Variants in CWC25 observed in about 807,000 individuals in gnomAD.
The protein encoded by CWC25 is pre-mRNA-splicing factor CWC25 homolog.
A neutral mutation model predicts 54.6 loss-of-function variants in CWC25; 31 were observed. The ratio of observed to expected loss-of-function variants is 0.57; its 90% CI spans 0.43 to 0.77. CWC25 has a LOEUF of 0.77. CWC25 is among the 30% of genes least tolerant of loss of function. CWC25 has a pLI of 0.00. For synonymous variants in CWC25, 151 were observed against 187.0 expected (o/e 0.81, Z 1.57); for missense variants, 453 against 529.3 (o/e 0.86, Z 1.41).
chr17:38,821,895 G>GT (rs1212965589), intron 1 of CWC25, among the ~76,000 whole-genome samples: 18 of 151,952 alleles, frequency 1.2e-4, no homozygotes, highest in African/African-American at 4.1e-4. Flanking sequence ...TCAGCCTCCT[G>GT]AGTAGCTGGA....
chr17:38,807,716 A>G (rs1204681937), intron 6 of CWC25, among the ~76,000 whole-genome samples: 4 of 132,288 alleles, frequency 3.0e-5, no homozygotes, highest in Non-Finnish European at 6.5e-5. Flanking sequence ...GGATCACACC[A>G]CTGCACTCCA....
intron 2 of CWC25, among the ~76,000 whole-genome samples, chr17:38,816,957 C>T (rs1245489173): frequency 6.6e-6 from 1 of 151,060 alleles, no homozygotes; most frequent in Admixed American, 6.6e-5. Flanking sequence ...GCTGGGATTA[C>T]AGGCGTGAGC....
chr17:38,812,751 A>G, intron 4 of CWC25, 44 bp downstream of exon 4: 1 of 1,131,142 alleles, frequency 8.8e-7, no homozygotes, highest in Non-Finnish European at 1.3e-6. Context: ...CTCACGTTAT[A>G]TGGCTAAAAG....
intron 4 of CWC25, among the ~76,000 whole-genome samples, chr17:38,811,536 G>A (rs1283667431): frequency 3.3e-5 from 4 of 123,000 alleles, no homozygotes; most frequent in African/African-American, 1.1e-4. Context: ...GCGAGACTCC[G>A]TCTCAAAAAA....
At position 38,814,967 on chromosome 17, in the gene CWC25, A is replaced by C; in HGVS notation, c.322T>G (p.Ser108Ala). 12 of 1,613,842 alleles carry C rather than the reference A, an allele frequency of 7.4e-6. No homozygotes were observed. The highest frequency in any genetic ancestry group is 1.0e-5 in the Non-Finnish European group (12 of 1,179,884). The change falls in exon 3 of 10, where the codon TCT becomes GCT. Residue 108 changes from serine (S) to alanine (A), a missense_variant. This residue lies in a region of CWC25 where 444 missense variants were observed against 499.2 expected (regional missense o/e 0.89). Transcript: ENST00000614790. Reference sequence around the variant, plus strand: ...CCTGGGAGAAGTCCTGTTTCAGAAGAGCAGCCTGCCTCCTTCTCCTCCATC... The same window carrying C: ...CCTGGGAGAAGTCCTGTTTCAGAAGCGCAGCCTGCCTCCTTCTCCTCCATC... ...EKMEEKEAGC[S>A]SETGLLPGSI...
At chr17:38,823,147 C>CT (rs910246462) in intron 1 of CWC25, among the ~76,000 whole-genome samples, 6 of 144,218 alleles carry the variant, frequency 4.2e-5, no homozygotes, top group Admixed American at 7.2e-5. Context: ...CTGACTCCAA[C>CT]TTTTTTTTTA....
At chr17:38,815,371 C>T (rs537547874) in intron 2 of CWC25, among the ~76,000 whole-genome samples, 2 of 152,228 alleles carry the variant, frequency 1.3e-5, no homozygotes, top group African/African-American at 4.8e-5. Context: ...GCCTGGCCAA[C>T]ATGATGAAAC....
In CWC25 at chr17:38,810,190, ATG is replaced by A. The variant is rs536395004; in HGVS notation, c.626+276_626+277del. ...GAGATGAAACAGAGTCACCCCCAGG[ATG>A]TCTGACCTACCTAAGACCTACTAGG... is the stretch of plus-strand genomic sequence containing the variant. On this transcript the variant is annotated intron_variant, in intron 5 of 9. Transcript: ENST00000614790. 4 of 466,114 alleles carry A rather than the reference ATG, an allele frequency of 8.6e-6. No homozygotes were observed. In the East Asian group the frequency reaches 1.4e-4, roughly 16 times the overall value. The allele number at this position is 466,114 out of a possible 1,614,324, so 28.9% of individuals were successfully genotyped here.
Position 38,814,912 on chromosome 17 carries a change from G to T in CWC25, c.377C>A (p.Ser126Tyr). Residue 126 changes from serine (S) to tyrosine (Y), a missense_variant, in exon 3 of 10, where the codon TCC becomes TAC. Ser to Tyr is a moderately radical substitution (Grantham distance 144). Around this residue, in one of 2 missense-constraint regions of CWC25, gnomAD observed 444 missense variants for 499.2 expected, o/e 0.89. Transcript: ENST00000614790. ...GSIFAPSGANSLLDMASKIRE... is the reference protein window; with the variant it reads ...GSIFAPSGANYLLDMASKIRE... ...GATCTTGCTGGCCATGTCAAGAAGG[G>T]AATTGGCACCTGATGGGGCAAAGAT... 6.2e-7 allele frequency: 1 copy of T among 1,613,688 alleles called. No individual in the cohort carries two copies. The highest frequency in any genetic ancestry group is 8.5e-7 in the Non-Finnish European group (1 of 1,179,862).
At chr17:38,818,695 A>G (rs1911804441) in intron 2 of CWC25, among the ~76,000 whole-genome samples, 1 of 151,822 alleles carries the variant, frequency 6.6e-6, no homozygotes, top group South Asian at 2.1e-4. Flanking sequence ...AGGGGCAGAG[A>G]GAACCAAATG....
Position 38,806,395 on chromosome 17 carries a change from C to T in CWC25, c.903G>A (p.Leu301=), listed in dbSNP as rs572819309. 2.5e-5 allele frequency: 41 copies of T among 1,612,756 alleles called. No individual in the cohort carries two copies. In the South Asian group the frequency reaches 4.0e-4, roughly 16 times the overall value. ...RRSRSPRPSK[L]HNSKVNRRET... ...CTCTCCTGTTCACCTTAGAGTTGTG[C>T]CTGTAGCAGACACAGAAGGCAAAGA... The change falls in exon 8 of 10, where the codon CTG becomes CTA. Residue 301 remains leucine, a splice_region_variant and synonymous_variant. Coordinates refer to ENST00000614790, the MANE Select transcript of CWC25 (RefSeq NM_017748.5).
At chr17:38,804,170 T>C (rs1911134572) in intron 8 of CWC25, among the ~76,000 whole-genome samples, 1 of 151,878 alleles carries the variant, frequency 6.6e-6, no homozygotes, top group African/African-American at 2.4e-5. Context: ...AGAAAGGAAA[T>C]GTAACCTCCA....
chr17:38,814,012 C>T (rs973207756), intron 3 of CWC25, among the ~76,000 whole-genome samples: 2 of 151,778 alleles, frequency 1.3e-5, no homozygotes, highest in African/African-American at 4.8e-5. Context: ...TAGGCGCCTG[C>T]CACCATGCCT....
At chr17:38,822,938 C>T (rs1598079842) in intron 1 of CWC25, among the ~76,000 whole-genome samples, 3 of 148,424 alleles carry the variant, frequency 2.0e-5, no homozygotes, top group South Asian at 4.3e-4. Context: ...TCCAGGTTCA[C>T]GCCATTCTCC....
chr17:38,823,637 G>A (rs1004177450), intron 1 of CWC25, among the ~76,000 whole-genome samples: 6 of 152,008 alleles, frequency 3.9e-5, no homozygotes, highest in South Asian at 2.1e-4. Flanking sequence ...CCTTCGTCAG[G>A]TCATTCAGTT....
At chr17:38,819,383 T>C (rs1217106468) in intron 2 of CWC25, among the ~76,000 whole-genome samples, 1 of 150,728 alleles carries the variant, frequency 6.6e-6, no homozygotes, top group Non-Finnish European at 1.5e-5. Context: ...GTTTTTTTTT[T>C]TTGAGACGGA....
At chr17:38,802,571 A>G in intron 9 of CWC25, 129 bp downstream of exon 9, 1 of 941,366 alleles carries the variant, frequency 1.1e-6, no homozygotes, top group Non-Finnish European at 1.6e-6. Context: ...AAGGAAGAGT[A>G]GTAGCCAAGG....
chr17:38,804,337 A>T (rs913121013), intron 8 of CWC25, among the ~76,000 whole-genome samples: 1 of 152,120 alleles, frequency 6.6e-6, no homozygotes, highest in African/African-American at 2.4e-5. Flanking sequence ...ATGAGAGCTC[A>T]TTTACACTAA....
chr17:38,811,178 C>T (rs1401774616), intron 4 of CWC25, among the ~76,000 whole-genome samples: 1 of 151,770 alleles, frequency 6.6e-6, no homozygotes. Flanking sequence ...TTGCAGTGAG[C>T]TGAGATCACG....
Sources: gnomAD v4.1 joint callset for allele counts (sites outside exome capture counted in the v4.1 genomes callset) on GRCh38, gnomAD v4.1.1 for gene constraint, gnomAD v4.1.1 regional missense constraint, MANE v1.5 for transcripts, NCBI Gene and HGNC (gene_info 2026-07-23, HGNC 2026-07-21) for gene names.